LRRC39: variants seen among roughly 807,000 people sequenced by gnomAD.
The protein encoded by LRRC39 is leucine rich repeat containing 39.
A neutral mutation model predicts 39.7 loss-of-function variants in LRRC39; 35 were observed. The observed-to-expected ratio is 0.88, with a 90% CI of 0.67 to 1.17. The LOEUF is 1.17. Ranked by LOEUF, LRRC39 falls within the 50% of genes most tolerant of loss-of-function variation. The pLI is 0.00. For synonymous variants in LRRC39, 113 were observed against 134.1 expected, an observed-to-expected ratio of 0.84 and a Z score of 1.09; for missense variants, 357 against 385.8, an observed-to-expected ratio of 0.93 and a Z score of 0.62.
chr1:100,158,402 A>T (rs778471378), intron 5 of LRRC39, 35 bp from the exon 6 acceptor site: 1 of 1,567,452 alleles, frequency 6.4e-7, no homozygotes, highest in Non-Finnish European at 8.7e-7. Context: ...GAGGAGTTGG[A>T]TATAAAATAA....
intron 2 of LRRC39, among the ~76,000 whole-genome samples, chr1:100,171,661 C>A (rs1173818455): frequency 6.7e-6 from 1 of 150,312 alleles, no homozygotes; most frequent in Non-Finnish European, 1.5e-5. Context: ...TACAACCATG[C>A]CTGGCTTGTT....
At position 100,155,146 on chromosome 1, in the gene LRRC39, T is replaced by G. The variant is rs758419266; in HGVS notation, c.717A>C (p.Gln239His). 28 of 1,610,720 alleles carry G rather than the reference T, an allele frequency of 1.7e-5. 1 individual carries two copies. The South Asian group carries it at 3.0e-4, about 17-fold the overall frequency. The part of the protein sequence containing the change: ...LQRNEITCLP[Q>H]TISNMKNLGT... ...CCAGATTTTTCATATTGCTGATTGT[T>G]TGAGGCAAGCATGTTATTTCATTTC... The change falls in exon 8 of 10, where the codon CAA becomes CAC. Residue 239 changes from glutamine to histidine, a missense_variant. Transcript: ENST00000370137.
At chr1:100,160,418 C>G in intron 4 of LRRC39, 48 bp downstream of exon 4, 2 of 1,470,084 alleles carry the variant, frequency 1.4e-6, no homozygotes, top group Non-Finnish European at 1.9e-6. Context: ...TCTCAACTGA[C>G]TCACAAAATG....
chr1:100,175,077 TG>T (rs1659865691), intron 1 of LRRC39, among the ~76,000 whole-genome samples: 1 of 12,276 alleles, frequency 8.1e-5, no homozygotes, highest in Non-Finnish European at 6.1e-4. Flanking sequence ...GAAAGCTCCC[TG>T]AGAAGCAGAT....
chr1:100,158,086 T>C, intron 6 of LRRC39, 145 bp downstream of exon 6: 1 of 844,746 alleles, frequency 1.2e-6, no homozygotes, highest in African/African-American at 1.7e-5. Flanking sequence ...ACCTGCATTA[T>C]ACTTAAGGAA....
chr1:100,148,653 A>G lies in LRRC39; in HGVS notation c.*389T>C, dbSNP rs763873844. On this transcript the variant is annotated 3_prime_UTR_variant, in exon 10 of 10. Transcript: ENST00000370137. ...TCTTAGTGTTGAAGAAAAGAAGAAAATAGGGCATCTTTGTAAATTGCTGAT... is the reference window on the plus strand; with the variant it reads ...TCTTAGTGTTGAAGAAAAGAAGAAAGTAGGGCATCTTTGTAAATTGCTGAT... 1.1e-5 allele frequency: 18 copies of G among 1,610,452 alleles called. No individual in the cohort carries two copies. The highest frequency in any genetic ancestry group is 1.5e-5 in the Non-Finnish European group (18 of 1,179,208).
At chr1:100,170,434 T>C (rs983291652) in intron 2 of LRRC39, among the ~76,000 whole-genome samples, 1 of 152,128 alleles carries the variant, frequency 6.6e-6, no homozygotes, top group African/African-American at 2.4e-5. Flanking sequence ...ATGTCCAGAA[T>C]AGGCAAATCT....
chr1:100,153,250 A>T (rs1472032227), intron 8 of LRRC39, among the ~76,000 whole-genome samples: 2 of 152,162 alleles, frequency 1.3e-5, no homozygotes, highest in Non-Finnish European at 2.9e-5. Context: ...GTATTCTCTT[A>T]TTCTCATTTG....
intron 1 of LRRC39, among the ~76,000 whole-genome samples, chr1:100,174,915 G>A (rs1270501315): frequency 6.6e-6 from 1 of 152,198 alleles, no homozygotes; most frequent in African/African-American, 2.4e-5. Flanking sequence ...GATCATGGAG[G>A]AGGATCCCTC....
chr1:100,172,154 G>A (rs1659659981), intron 2 of LRRC39, among the ~76,000 whole-genome samples: 1 of 152,106 alleles, frequency 6.6e-6, no homozygotes. Flanking sequence ...TGACTTCAGT[G>A]GAAAATTCTA....
chr1:100,174,153 G>A (rs893018262), intron 1 of LRRC39, among the ~76,000 whole-genome samples: 2 of 152,108 alleles, frequency 1.3e-5, no homozygotes, highest in African/African-American at 4.8e-5. Context: ...TAGAGTGGGA[G>A]GATTTATTTT....
intron 1 of LRRC39, among the ~76,000 whole-genome samples, chr1:100,175,611 G>A (rs1659904150): frequency 6.6e-6 from 1 of 152,086 alleles, no homozygotes; most frequent in Non-Finnish European, 1.5e-5. Flanking sequence ...GTACATTAGT[G>A]GGGGAAGATA....
At chr1:100,163,681 C>T (rs1276044307) in intron 3 of LRRC39, among the ~76,000 whole-genome samples, 1 of 151,794 alleles carries the variant, frequency 6.6e-6, no homozygotes, top group East Asian at 1.9e-4. Context: ...AATCCTCCTG[C>T]CTCAGCCTCC....
chr1:100,159,724 A>C (rs1016168182), intron 4 of LRRC39, among the ~76,000 whole-genome samples: 3 of 150,280 alleles, frequency 2.0e-5, no homozygotes, highest in Admixed American at 6.7e-5. Context: ...TCTGTTATGC[A>C]GTATTAGGCT....
At chr1:100,175,749 A>G (rs1659913183) in intron 1 of LRRC39, among the ~76,000 whole-genome samples, 2 of 152,178 alleles carry the variant, frequency 1.3e-5, no homozygotes, top group Non-Finnish European at 1.5e-5. Flanking sequence ...TCCAAATGGT[A>G]GAACTTTCCC....
intron 2 of LRRC39, among the ~76,000 whole-genome samples, chr1:100,170,343 A>G (rs1659520652): frequency 6.6e-6 from 1 of 152,226 alleles, no homozygotes; most frequent in African/African-American, 2.4e-5. Flanking sequence ...ATGCCACAGT[A>G]TAAATAAACC....
At chr1:100,162,698 C>T (rs1159321894) in intron 3 of LRRC39, among the ~76,000 whole-genome samples, 2 of 151,386 alleles carry the variant, frequency 1.3e-5, no homozygotes, top group African/African-American at 4.8e-5. Context: ...TATTTCTATC[C>T]CAGAAAATTC....
chr1:100,176,882 A>T (rs1660003586), intron 1 of LRRC39, among the ~76,000 whole-genome samples: 1 of 152,224 alleles, frequency 6.6e-6, no homozygotes, highest in Non-Finnish European at 1.5e-5. Context: ...TCTTGAAAAC[A>T]TAAAAGTGAC....
At position 100,149,025 on chromosome 1, in the gene LRRC39, G is replaced by T; in HGVS notation, c.*17C>A. Reference sequence around the variant, plus strand: ...TTCACCAAAGTAATCCTCTTTAGAAGGGCATCTTGAATTATATTATCCATC... The same window carrying T: ...TTCACCAAAGTAATCCTCTTTAGAATGGCATCTTGAATTATATTATCCATC... On this transcript the variant is annotated 3_prime_UTR_variant, in exon 10 of 10. Coordinates refer to ENST00000370137, the MANE Select transcript of LRRC39 (RefSeq NM_144620.4). The T allele has an allele frequency of 1.3e-6, 2 of 1,555,996 alleles. No homozygotes were observed. The highest frequency in any genetic ancestry group is 1.3e-5 in the South Asian group (1 of 79,584).
Sources: allele counts gnomAD v4.1 joint callset (sites outside exome capture counted in the v4.1 genomes callset), GRCh38; gene constraint gnomAD v4.1.1; transcripts MANE v1.5; gene names NCBI Gene and HGNC (gene_info 2026-07-23, HGNC 2026-07-21).